TJP1: variants seen among roughly 807,000 people sequenced by gnomAD.
TJP1 encodes tight junction protein 1.
TJP1 carries 43 observed loss-of-function variants against 194.2 expected under a neutral mutation model. The observed-to-expected ratio is 0.22, with a 90% CI of 0.17 to 0.29. The LOEUF is 0.29. Ranked by LOEUF, TJP1 falls within the 10% of genes least tolerant of loss-of-function variation. TJP1 has a pLI of 1.00. For synonymous variants in TJP1, 801 were observed against 779.0 expected, an observed-to-expected ratio of 1.03 and a Z score of -0.47; for missense variants, 1,971 against 2,185.7, an observed-to-expected ratio of 0.90 and a Z score of 1.96.
chr15:29,821,762 G>A (rs1027926622), intron 1 of TJP1, among the ~76,000 whole-genome samples: 1 of 150,882 alleles, frequency 6.6e-6, no homozygotes. Context: ...GCCCAGTACG[G>A]CGGCCGGGCG....
intron 8 of TJP1, among the ~76,000 whole-genome samples, chr15:29,749,143 CTGT>C (rs2045060530): frequency 6.8e-6 from 1 of 147,684 alleles, no homozygotes; most frequent in Admixed American, 6.7e-5. Flanking sequence ...AGACGAGTTT[CTGT>C]TGTTTTTTTT....
At chr15:29,954,069 C>G (rs1284873855) in intron 2 of TJP1, among the ~76,000 whole-genome samples, 1 of 152,106 alleles carries the variant, frequency 6.6e-6, no homozygotes, top group Non-Finnish European at 1.5e-5. Context: ...AATAGAAAAA[C>G]CATCAAAAAG....
intron 2 of TJP1, among the ~76,000 whole-genome samples, chr15:29,857,227 C>CAT (rs2051891634): frequency 6.6e-6 from 1 of 150,842 alleles, no homozygotes. Context: ...TTATAAAAGA[C>CAT]ATACAGACTT....
At chr15:29,736,900 G>A (rs1360712886) in intron 11 of TJP1, among the ~76,000 whole-genome samples, 1 of 152,178 alleles carries the variant, frequency 6.6e-6, no homozygotes, top group Non-Finnish European at 1.5e-5. Context: ...GCCAAGTTGT[G>A]GCCCATGGCA....
chr15:29,867,173 T>C (rs1001854025), intron 2 of TJP1, among the ~76,000 whole-genome samples: 7 of 152,240 alleles, frequency 4.6e-5, no homozygotes, highest in Non-Finnish European at 1.0e-4. Context: ...GGAACATTCC[T>C]GGACACGAGA....
intron 27 of TJP1, 69 bp downstream of exon 27, chr15:29,704,093 A>G: frequency 6.8e-7 from 1 of 1,462,260 alleles, no homozygotes; most frequent in Non-Finnish European, 9.3e-7. Flanking sequence ...CATGGGCAGC[A>G]TCATCAGCCC....
rs1390811644 is a variant in TJP1 at position 29,716,851 on chromosome 15, G to C, written c.3975-13C>G. 1.9e-6 allele frequency: 3 copies of C among 1,578,730 alleles called. No individual in the cohort carries two copies. Among genetic ancestry groups the C allele is most frequent in the Admixed American group, 1.7e-5 (1 of 58,236 alleles). On this transcript the variant is annotated splice_polypyrimidine_tract_variant and intron_variant, in intron 22 of 27. Coordinates refer to ENST00000614355, the MANE Select transcript of TJP1 (RefSeq NM_001330239.4). Reference sequence around the variant, plus strand: ...AGGTTCTGGGATCCTAACAGATAATGAATGACAAACGGAACACCTTTTTAA... The same window carrying C: ...AGGTTCTGGGATCCTAACAGATAATCAATGACAAACGGAACACCTTTTTAA...
rs140071032 is a variant in TJP1, at chr15:29,867,433, T to C, written c.307-66731A>G. On this transcript the variant is annotated intron_variant, in intron 2 of 28. Coordinates refer to the TJP1 transcript ENST00000356107. Reference sequence around the variant, plus strand: ...AGGTAACTTGCTTCCTGTCTCACTTTCACATTGGGCCTTGCTGGCTCCAAC... The same window carrying C: ...AGGTAACTTGCTTCCTGTCTCACTTCCACATTGGGCCTTGCTGGCTCCAAC... 3.8e-3 allele frequency among the ~76,000 whole-genome samples: 586 copies of C among 152,338 alleles called. 4 individuals are homozygous for C. The highest frequency in any genetic ancestry group is 6.4e-3 in the Non-Finnish European group (432 of 68,028).
At chr15:29,772,637 G>A (rs2046765219) in intron 3 of TJP1, among the ~76,000 whole-genome samples, 1 of 152,118 alleles carries the variant, frequency 6.6e-6, no homozygotes, top group Admixed American at 6.5e-5. Flanking sequence ...GCAAGACTTG[G>A]GGAGGAGGCT....
Position 29,712,860 on chromosome 15 carries a change from A to G in TJP1, c.4203-1860T>C, listed in dbSNP as rs542251773. On this transcript the variant is annotated intron_variant, in intron 23 of 27. Transcript: ENST00000614355. ...AAAGAAATTCTGCAAGTGAAGACAC[A>G]GGAAAAAGTAACACAACAGAAGAGC... 3.8e-4 allele frequency among the ~76,000 whole-genome samples: 58 copies of G among 151,940 alleles called. 1 individual carries two copies. The highest frequency in any genetic ancestry group is 1.4e-3 in the African/African-American group (56 of 41,472).
At chr15:29,729,822 C>CT (rs2043498654) in intron 15 of TJP1, among the ~76,000 whole-genome samples, 1 of 82,254 alleles carries the variant, frequency 1.2e-5, no homozygotes, top group East Asian at 3.5e-4. Context: ...GACTCTGTTT[C>CT]AAAAAAAAAA....
chr15:29,807,543 CCT>C (rs1218736231), intron 1 of TJP1, among the ~76,000 whole-genome samples: 5 of 152,076 alleles, frequency 3.3e-5, no homozygotes, highest in African/African-American at 1.2e-4. Flanking sequence ...GAGTGACAGT[CCT>C]CTGAGTATAT....
At chr15:29,846,307 A>G (rs1298533401) in intron 2 of TJP1, among the ~76,000 whole-genome samples, 7 of 152,070 alleles carry the variant, frequency 4.6e-5, no homozygotes, top group Admixed American at 3.9e-4. Flanking sequence ...GGGTCCCCCC[A>G]GTTCTAGGAT....
chr15:29,920,921 AAC>A (rs2054337183), intron 2 of TJP1, among the ~76,000 whole-genome samples: 1 of 152,232 alleles, frequency 6.6e-6, no homozygotes, highest in South Asian at 2.1e-4. Context: ...GCGTGAGGGA[AAC>A]ACAGTGGTGC....
At chr15:29,925,450 C>G (rs1193464025) in intron 2 of TJP1, among the ~76,000 whole-genome samples, 1 of 152,188 alleles carries the variant, frequency 6.6e-6, no homozygotes, top group East Asian at 1.9e-4. Context: ...AGGGCAGACA[C>G]TCAGGCGCTA....
chr15:29,934,578 G>A (rs1189298056), intron 2 of TJP1, among the ~76,000 whole-genome samples: 1 of 152,096 alleles, frequency 6.6e-6, no homozygotes, highest in Non-Finnish European at 1.5e-5. Context: ...CACTAATGTA[G>A]ACATCCTCTG....
rs760476563 is a variant in TJP1, at chr15:29,708,953, T to G, written c.4456A>C (p.Arg1486=). The change falls in exon 25 of 28, where the codon AGA becomes CGA. Residue 1486 remains arginine, a synonymous_variant. Coordinates refer to ENST00000614355, the MANE Select transcript of TJP1 (RefSeq NM_001330239.4). Reference sequence around the variant, plus strand: ...GCAGTATCTTCTCGGTTTGGTGGTCTGAAAGTTGCTGGCTTATTCTGAGAT... The same window carrying G: ...GCAGTATCTTCTCGGTTTGGTGGTCGGAAAGTTGCTGGCTTATTCTGAGAT... ...PPSQNKPATF[R]PPNREDTAQA... The G allele has an allele frequency of 6.2e-7, 1 of 1,614,232 alleles. No homozygotes were observed. Among genetic ancestry groups the G allele is most frequent in the South Asian group, 1.1e-5 (1 of 91,088 alleles).
chr15:29,745,677 A>T (rs1354549494), intron 8 of TJP1, among the ~76,000 whole-genome samples: 1 of 152,244 alleles, frequency 6.6e-6, no homozygotes, highest in East Asian at 1.9e-4. Flanking sequence ...CTTTAGAAAT[A>T]AAATGCACCA....
chr15:29,733,102 A>G lies in TJP1; in HGVS notation c.1728T>C (p.Asn576=), dbSNP rs1415556112. 1 of 1,613,920 alleles carries G rather than the reference A, an allele frequency of 6.2e-7. No individual in the cohort carries two copies. The highest frequency in any genetic ancestry group is 1.7e-5 in the Admixed American group (1 of 60,014). The change falls in exon 13 of 28, where the codon AAT becomes AAC. Residue 576 remains asparagine, a synonymous_variant. Coordinates refer to ENST00000614355, the MANE Select transcript of TJP1 (RefSeq NM_001330239.4). The stretch of plus-strand genomic sequence containing the variant: ...TATCCAAGCATTCATACCTGTTCTT[A>G]TTAGGGATGATGCCTCGTTCTACCT... ...HKEVERGIIP[N]KNRAEQLASV...
Sources: allele counts gnomAD v4.1 joint callset (sites outside exome capture counted in the v4.1 genomes callset), GRCh38; gene constraint gnomAD v4.1.1; transcripts MANE v1.5; gene names NCBI Gene and HGNC (gene_info 2026-07-23, HGNC 2026-07-21).